The following CADPS variants were observed in gnomAD, a reference collection of about 807,000 sequenced individuals.
CADPS encodes calcium dependent secretion activator.
In CADPS, 57 loss-of-function variants were observed where a neutral mutation model predicts 167.3. That is an observed-to-expected ratio of 0.34 (90% CI 0.28 to 0.42). The LOEUF (loss-of-function observed/expected upper bound fraction) is 0.42. Ranked by LOEUF, CADPS falls within the 20% of genes least tolerant of loss-of-function variation. The pLI, the probability that CADPS is intolerant of heterozygous loss-of-function variation, is 1.00. For synonymous variants in CADPS, 676 were observed against 635.3 expected (o/e 1.06, Z -0.96); for missense variants, 1,414 against 1,738.1 (o/e 0.81, Z 3.32).
At position 62,491,538 on chromosome 3, in the gene CADPS, C is replaced by CACACACACACACACACAA. The variant is rs2063698757; in HGVS notation, c.2885-59_2885-58insTTGTGTGTGTGTGTGTGT. The CACACACACACACACACAA allele has an allele frequency of 5.8e-6, 4 of 687,376 alleles. No homozygotes were observed. In the African/African-American group the frequency reaches 1.3e-4, roughly 22 times the overall value. The allele number at this position is 687,376 out of a possible 1,614,324, so 42.6% of individuals were successfully genotyped here. The stretch of plus-strand genomic sequence containing the variant: ...CCACAGCTACTTTATCAACGTACAA[C>CACACACACACACACACAA]ACACACACACACACACACAAACACA... On this transcript the variant is annotated intron_variant, in intron 20 of 29. Coordinates refer to ENST00000383710, the MANE Select transcript of CADPS (RefSeq NM_003716.4).
chr3:62,794,086 G>A (rs184615233), intron 1 of CADPS, among the ~76,000 whole-genome samples: 121 of 152,212 alleles, frequency 7.9e-4, no homozygotes, highest in African/African-American at 2.4e-3. Flanking sequence ...GGAATCCAGC[G>A]ATAACTCTAA....
chr3:62,572,702 C>G (rs1239835117), intron 8 of CADPS, among the ~76,000 whole-genome samples: 2 of 151,950 alleles, frequency 1.3e-5, no homozygotes, highest in Non-Finnish European at 2.9e-5. Context: ...CTTGATATAC[C>G]AATTATACAT....
intron 7 of CADPS, among the ~76,000 whole-genome samples, chr3:62,588,375 C>A (rs1171864847): frequency 6.8e-6 from 1 of 146,316 alleles, no homozygotes; most frequent in African/African-American, 2.5e-5. Flanking sequence ...GTCCCTTATG[C>A]TTTGTGAGGT....
Position 62,415,722 on chromosome 3 carries a change from G to A in CADPS, c.3778-12537C>T, listed in dbSNP as rs578145024. Among the ~76,000 whole-genome samples, 12 of 152,240 alleles carry A rather than the reference G, an allele frequency of 7.9e-5. No individual in the cohort carries two copies. In the South Asian group the frequency reaches 2.1e-3, roughly 26 times the overall value. The stretch of plus-strand genomic sequence containing the variant: ...AGTGCCATACAACAGATTGAGCCTC[G>A]TATAAAGGCCTGAGACTGTGCAAGG... On this transcript the variant is annotated intron_variant, in intron 28 of 29. Transcript: ENST00000383710.
chr3:62,430,414 G>C (rs2053681074), intron 28 of CADPS, among the ~76,000 whole-genome samples: 1 of 152,158 alleles, frequency 6.6e-6, no homozygotes, highest in Non-Finnish European at 1.5e-5. Context: ...CCTAATAGAA[G>C]AGGAATTATC....
chr3:62,656,608 G>A (rs1409563235), intron 4 of CADPS, among the ~76,000 whole-genome samples: 1 of 152,150 alleles, frequency 6.6e-6, no homozygotes, highest in East Asian at 1.9e-4. Flanking sequence ...GCAGAAGGCT[G>A]GTGATGGCTG....
chr3:62,789,439 A>G (rs577885432), intron 1 of CADPS, among the ~76,000 whole-genome samples: 5 of 152,344 alleles, frequency 3.3e-5, no homozygotes, highest in African/African-American at 1.2e-4. Flanking sequence ...GCACACTTAA[A>G]GCATTTTATT....
chr3:62,601,286 T>C lies in CADPS; in HGVS notation c.1326-8538A>G, dbSNP rs1167214073. On this transcript the variant is annotated intron_variant, in intron 6 of 29. Coordinates refer to ENST00000383710, the MANE Select transcript of CADPS (RefSeq NM_003716.4). The surrounding 1 kb of genome is among the most constrained non-coding windows in gnomAD (Gnocchi z 4.3). ...ATTAGAACATAGTTAGCTTACTCAT[T>C]TTTGTTTTGTCTATGGCTTCTTTTG... Among the ~76,000 whole-genome samples the C allele has an allele frequency of 1.3e-5, 2 of 152,218 alleles. No homozygotes were observed. The highest frequency in any genetic ancestry group is 2.9e-5 in the Non-Finnish European group (2 of 68,042).
chr3:62,427,031 C>A lies in CADPS; in HGVS notation c.3777+11073G>T, dbSNP rs533062792. On this transcript the variant is annotated intron_variant, in intron 28 of 29. Transcript: ENST00000383710. ...CAGAGCTTGTGGTGAGCAGAGATTG[C>A]GCCACTACACTCCAGCCTGGGTGAC... Among the ~76,000 whole-genome samples the A allele has an allele frequency of 1.1e-4, 17 of 148,908 alleles. No homozygotes were observed. In the South Asian group the frequency reaches 1.7e-3, roughly 15 times the overall value.
intron 1 of CADPS, among the ~76,000 whole-genome samples, chr3:62,785,388 G>A (rs1210480741): frequency 6.6e-6 from 1 of 152,142 alleles, no homozygotes; most frequent in African/African-American, 2.4e-5. Flanking sequence ...GTGCCACACT[G>A]CAAACATTTT....
chr3:62,413,343 T>G (rs561753634), intron 28 of CADPS, among the ~76,000 whole-genome samples: 5 of 152,286 alleles, frequency 3.3e-5, no homozygotes, highest in African/African-American at 1.2e-4. Context: ...AGCAGCTTTA[T>G]TCACAATAGC....
At chr3:62,555,972 G>A (rs1241602332) in intron 10 of CADPS, among the ~76,000 whole-genome samples, 4 of 151,974 alleles carry the variant, frequency 2.6e-5, no homozygotes, top group Non-Finnish European at 5.9e-5. Context: ...CAGGCTTGTC[G>A]TGAACTTTGG....
At chr3:62,760,499 G>A (rs1221253519) in intron 2 of CADPS, among the ~76,000 whole-genome samples, 1 of 152,060 alleles carries the variant, frequency 6.6e-6, no homozygotes, top group African/African-American at 2.4e-5. Context: ...AAGAGGCTGA[G>A]GTTCCTCAGC....
rs1164060250 is a variant in CADPS at position 62,557,466 on chromosome 3, C to T, written c.1692G>A (p.Ala564=). 7 of 1,614,002 alleles carry T rather than the reference C, an allele frequency of 4.3e-6. No individual in the cohort carries two copies. Among genetic ancestry groups the T allele is most frequent in the South Asian group, 1.1e-5 (1 of 91,068 alleles). The change falls in exon 10 of 30, where the codon GCG becomes GCA. Residue 564 remains alanine (A), a synonymous_variant. Coordinates refer to ENST00000383710, the MANE Select transcript of CADPS (RefSeq NM_003716.4). The part of the protein sequence containing the change: ...FAMCSYREKK[A]EPQELLQLDG... ...CCAATTGTAGAAGTTCCTGAGGCTC[C>T]GCTTTCTTCTCCCGATAACTGCACA...
At chr3:62,619,824 A>C (rs73840532) in intron 6 of CADPS, among the ~76,000 whole-genome samples, 1 of 152,072 alleles carries the variant, frequency 6.6e-6, no homozygotes, top group African/African-American at 2.4e-5. Context: ...ATATTATTCA[A>C]TGTACTGTGT....
intron 3 of CADPS, among the ~76,000 whole-genome samples, chr3:62,675,072 A>G (rs2076140535): frequency 6.6e-6 from 1 of 152,102 alleles, no homozygotes; most frequent in African/African-American, 2.4e-5. Context: ...CCCAGTGCCA[A>G]TTATGGGGGA....
At chr3:62,574,052 C>T (rs879376280) in intron 8 of CADPS, among the ~76,000 whole-genome samples, 1 of 152,196 alleles carries the variant, frequency 6.6e-6, no homozygotes. Context: ...TTGCCAAGTT[C>T]TTCAAGCTTT....
At chr3:62,797,905 A>G (rs913068401) in intron 1 of CADPS, among the ~76,000 whole-genome samples, 4 of 152,172 alleles carry the variant, frequency 2.6e-5, no homozygotes, top group Admixed American at 6.6e-5. Flanking sequence ...TGTAACATAT[A>G]TATTTTTTAG....
rs1245462818 is a variant in CADPS at position 62,753,508 on chromosome 3, T to C, written c.821A>G (p.Tyr274Cys). 1 of 1,613,976 alleles carries C rather than the reference T, an allele frequency of 6.2e-7. No individual in the cohort carries two copies. Among genetic ancestry groups the C allele is most frequent in the Admixed American group, 1.7e-5 (1 of 59,998 alleles). Residue 274 changes from tyrosine to cysteine, a missense_variant, in exon 3 of 30, where the codon TAT becomes TGT. Tyr to Cys is a radical substitution (Grantham distance 194). This residue lies in a region of CADPS where 522 missense variants were observed against 559.5 expected (regional missense o/e 0.93). Coordinates refer to ENST00000383710, the MANE Select transcript of CADPS (RefSeq NM_003716.4). The surrounding 1 kb of genome is among the most constrained non-coding windows in gnomAD (Gnocchi z 4.6). ...SELILSKEQL[Y>C]EMFQNILGIK... ...CCCAAGAATGTTCTGGAACATCTCA[T>C]AGAGTTGCTCCTTGCTCAGAATCAG... is the stretch of plus-strand genomic sequence containing the variant.
Sources: gnomAD v4.1 joint callset for allele counts (sites outside exome capture counted in the v4.1 genomes callset) on GRCh38, gnomAD v4.1.1 for gene constraint, gnomAD v4.1.1 regional missense constraint, Gnocchi (gnomAD v3.1) non-coding constraint, MANE v1.5 for transcripts, NCBI Gene and HGNC (gene_info 2026-07-23, HGNC 2026-07-21) for gene names.